Variants in CLSTN2 observed in about 807,000 individuals in gnomAD.
CLSTN2 encodes the protein calsyntenin-2.
In CLSTN2, 48 loss-of-function variants were observed where a neutral mutation model predicts 101.2. The ratio of observed to expected loss-of-function variants is 0.47; its 90% CI spans 0.38 to 0.60. The LOEUF (loss-of-function observed/expected upper bound fraction) is 0.60, where lower values mean the gene tolerates loss of function less well. CLSTN2 is among the 20% of genes least tolerant of loss of function. The pLI is 0.00. For synonymous variants in CLSTN2, 481 were observed against 463.6 expected (o/e 1.04, Z -0.48); for missense variants, 1,160 against 1,238.2 (o/e 0.94, Z 0.95).
At chr3:140,347,193 G>A (rs1027893763) in intron 2 of CLSTN2, among the ~76,000 whole-genome samples, 1 of 152,182 alleles carries the variant, frequency 6.6e-6, no homozygotes, top group Non-Finnish European at 1.5e-5. Context: ...AGTAAAATGT[G>A]TTATTTGGCA....
chr3:140,044,568 T>A (rs2007829795), intron 1 of CLSTN2, among the ~76,000 whole-genome samples: 2 of 152,322 alleles, frequency 1.3e-5, no homozygotes, highest in South Asian at 2.1e-4. Flanking sequence ...AACACTATGT[T>A]GAATAGGAGT....
intron 1 of CLSTN2, among the ~76,000 whole-genome samples, chr3:140,099,810 A>G (rs947981365): frequency 2.6e-5 from 4 of 152,212 alleles, no homozygotes; most frequent in Admixed American, 2.6e-4. Context: ...AATGGCAGTC[A>G]CAGGTTAAGG....
intron 2 of CLSTN2, among the ~76,000 whole-genome samples, chr3:140,265,397 G>A (rs1055554085): frequency 3.3e-5 from 5 of 151,498 alleles, no homozygotes; most frequent in Non-Finnish European, 2.9e-5. Flanking sequence ...ATGACCTAAC[G>A]ACCTCTCAGC....
At chr3:140,542,979 G>A (rs191716775) in intron 9 of CLSTN2, among the ~76,000 whole-genome samples, 1 of 152,128 alleles carries the variant, frequency 6.6e-6, no homozygotes, top group South Asian at 2.1e-4. Flanking sequence ...CTTTCTACCG[G>A]TGTGGCTTTT....
At chr3:140,094,985 C>G (rs968102737) in intron 1 of CLSTN2, among the ~76,000 whole-genome samples, 2 of 152,204 alleles carry the variant, frequency 1.3e-5, no homozygotes, top group Non-Finnish European at 2.9e-5. Flanking sequence ...CTCAAAATGA[C>G]TTAAATTAAG....
intron 8 of CLSTN2, among the ~76,000 whole-genome samples, chr3:140,484,607 G>A (rs1387209632): frequency 6.6e-6 from 1 of 152,184 alleles, no homozygotes; most frequent in Non-Finnish European, 1.5e-5. Context: ...ACACCAATCA[G>A]ATGTAGATTT....
chr3:140,161,635 A>G (rs2010048649), intron 1 of CLSTN2, among the ~76,000 whole-genome samples: 2 of 152,130 alleles, frequency 1.3e-5, no homozygotes, highest in Non-Finnish European at 2.9e-5. Flanking sequence ...TCTAAGAAAT[A>G]ATTATGTAAG....
At chr3:139,969,671 C>T (rs559138023) in intron 1 of CLSTN2, among the ~76,000 whole-genome samples, 59 of 152,340 alleles carry the variant, frequency 3.9e-4, no homozygotes, top group Non-Finnish European at 5.1e-4. Flanking sequence ...ACCCTGTCTG[C>T]TCTCCTGCCT....
chr3:140,548,667 CT>C lies in CLSTN2; in HGVS notation c.1674+1987del, dbSNP rs1469444828. Among the ~76,000 whole-genome samples the C allele has an allele frequency of 2.6e-3, 392 of 152,330 alleles. 3 individuals carry two copies. The highest frequency in any genetic ancestry group is 9.0e-3 in the African/African-American group (374 of 41,564). Reference sequence around the variant, plus strand: ...GGGCTGAGGAATAGCACAGTATTCACTAGAACTTCAACAAAGCCAGTGTTAT... The same window carrying C: ...GGGCTGAGGAATAGCACAGTATTCACAGAACTTCAACAAAGCCAGTGTTAT... On this transcript the variant is annotated intron_variant, in intron 10 of 16. Transcript: ENST00000458420.
chr3:140,020,504 G>T (rs1411266668), intron 1 of CLSTN2, among the ~76,000 whole-genome samples: 3 of 152,118 alleles, frequency 2.0e-5, no homozygotes, highest in East Asian at 1.9e-4. Context: ...CCATGTTATT[G>T]CCAGTAACAC....
chr3:140,482,238 T>C (rs1240581352), intron 8 of CLSTN2, among the ~76,000 whole-genome samples: 2 of 152,262 alleles, frequency 1.3e-5, no homozygotes, highest in Non-Finnish European at 2.9e-5. Flanking sequence ...TTTGTTTATA[T>C]GCTGGATTAC....
intron 1 of CLSTN2, among the ~76,000 whole-genome samples, chr3:139,979,602 A>G (rs1935881835): frequency 6.6e-6 from 1 of 152,160 alleles, no homozygotes; most frequent in Admixed American, 6.5e-5. Context: ...GGGAGCTTTT[A>G]CTATTATGTC....
intron 8 of CLSTN2, among the ~76,000 whole-genome samples, chr3:140,471,390 G>A (rs1169540974): frequency 2.6e-5 from 4 of 152,182 alleles, no homozygotes; most frequent in East Asian, 3.9e-4. Flanking sequence ...CACAGCTTGA[G>A]TGACAGCCTC....
intron 5 of CLSTN2, among the ~76,000 whole-genome samples, chr3:140,436,355 G>T (rs1425002845): frequency 6.6e-6 from 1 of 152,186 alleles, no homozygotes; most frequent in Admixed American, 6.5e-5. Flanking sequence ...TTTCCGCAGT[G>T]TATGTTTCTG....
intron 1 of CLSTN2, among the ~76,000 whole-genome samples, chr3:140,086,929 T>G (rs754261138): frequency 5.9e-5 from 9 of 152,226 alleles, no homozygotes; most frequent in Non-Finnish European, 1.3e-4. Context: ...CCTTTTTAAC[T>G]TGGCACTATG....
chr3:140,338,144 C>T (rs80046613), intron 2 of CLSTN2, among the ~76,000 whole-genome samples: 17 of 152,076 alleles, frequency 1.1e-4, no homozygotes, highest in African/African-American at 3.9e-4. Context: ...AGGTCATTGA[C>T]CTTTGGGCCC....
At chr3:140,497,429 T>C (rs1934490806) in intron 8 of CLSTN2, among the ~76,000 whole-genome samples, 1 of 152,002 alleles carries the variant, frequency 6.6e-6, no homozygotes, top group Admixed American at 6.5e-5. Flanking sequence ...TGCTGTGCTA[T>C]GGGGGATTGC....
chr3:140,086,074 T>C (rs1178584393), intron 1 of CLSTN2, among the ~76,000 whole-genome samples: 2 of 152,188 alleles, frequency 1.3e-5, no homozygotes, highest in Non-Finnish European at 2.9e-5. Flanking sequence ...ATAATAATAA[T>C]AGACTTTGCT....
At chr3:140,315,372 A>G (rs2087218625) in intron 2 of CLSTN2, among the ~76,000 whole-genome samples, 1 of 152,208 alleles carries the variant, frequency 6.6e-6, no homozygotes, top group East Asian at 1.9e-4. Context: ...CTTAGAAGAA[A>G]CTGTGTCAGC....
Sources: gnomAD v4.1 joint callset for allele counts (sites outside exome capture counted in the v4.1 genomes callset) on GRCh38, gnomAD v4.1.1 for gene constraint, MANE v1.5 for transcripts, NCBI Gene and HGNC (gene_info 2026-07-23, HGNC 2026-07-21) for gene names.